PCGF5: variants seen among roughly 807,000 people sequenced by gnomAD.
PCGF5 encodes polycomb group RING finger protein 5.
In PCGF5, 9 loss-of-function variants were observed where a neutral mutation model predicts 44.3. The observed-to-expected ratio is 0.20, with a 90% CI of 0.12 to 0.35. The LOEUF is 0.35. Ranked by LOEUF, PCGF5 falls within the 10% of genes least tolerant of loss-of-function variation. The pLI is 1.00. For missense variants in PCGF5, 146 were observed against 305.3 expected (o/e 0.48, Z 3.89); for synonymous variants, 95 against 102.5 (o/e 0.93, Z 0.44).
intron 8 of PCGF5, among the ~76,000 whole-genome samples, chr10:91,265,862 G>A (rs1846039621): frequency 6.6e-6 from 1 of 152,146 alleles, no homozygotes; most frequent in Non-Finnish European, 1.5e-5. Context: ...GCAGCAGGAA[G>A]AAAAAATTAC....
At chr10:91,246,320 C>T (rs1361677510) in intron 3 of PCGF5, among the ~76,000 whole-genome samples, 1 of 151,874 alleles carries the variant, frequency 6.6e-6, no homozygotes, top group Admixed American at 6.6e-5. Context: ...TTGGTTTGGT[C>T]GGAGAGTACA....
chr10:91,159,751 A>G (rs186386461), upstream of PCGF5, among the ~76,000 whole-genome samples: 31 of 152,316 alleles, frequency 2.0e-4, no homozygotes, highest in African/African-American at 5.5e-4. Flanking sequence ...TCTCTATTTT[A>G]TAGATAAGAA....
At chr10:91,270,846 T>C (rs1846161564) in intron 8 of PCGF5, among the ~76,000 whole-genome samples, 1 of 152,032 alleles carries the variant, frequency 6.6e-6, no homozygotes, top group Non-Finnish European at 1.5e-5. Flanking sequence ...ATACATTTTA[T>C]GTTTTGTAGT....
chr10:91,172,058 G>A (rs964844419), intron 1 of PCGF5, among the ~76,000 whole-genome samples: 7 of 152,174 alleles, frequency 4.6e-5, no homozygotes, highest in African/African-American at 1.4e-4. Flanking sequence ...AGATATATGT[G>A]ATTTGCCCAG....
rs145928441 is a variant in PCGF5, at chr10:91,197,182, T to G, written c.-183-25507T>G. On this transcript the variant is annotated intron_variant, in intron 1 of 9. Transcript: ENST00000614189. ...GTTTCTGTGAGTCAGGAATTTGGAGTCTGGTCAGCAGCGTAGCCTGTCTCC... is the reference window on the plus strand; with the variant it reads ...GTTTCTGTGAGTCAGGAATTTGGAGGCTGGTCAGCAGCGTAGCCTGTCTCC... Among the ~76,000 whole-genome samples the G allele has an allele frequency of 1.1e-4, 17 of 152,162 alleles. No homozygotes were observed. In the East Asian group the frequency reaches 3.3e-3, roughly 29 times the overall value.
At chr10:91,212,712 GA>G (rs1041551535) in intron 1 of PCGF5, among the ~76,000 whole-genome samples, 1 of 152,160 alleles carries the variant, frequency 6.6e-6, no homozygotes, top group African/African-American at 2.4e-5. Context: ...GGGTAGGTAA[GA>G]AAATGGAAGG....
intron 1 of PCGF5, among the ~76,000 whole-genome samples, chr10:91,206,303 A>T (rs902355472): frequency 2.0e-5 from 3 of 152,168 alleles, no homozygotes; most frequent in African/African-American, 7.2e-5. Flanking sequence ...TTTGGAAAGG[A>T]TGGTGACTTC....
intron 2 of PCGF5, among the ~76,000 whole-genome samples, chr10:91,233,427 A>T (rs993306194): frequency 2.0e-5 from 3 of 152,200 alleles, no homozygotes; most frequent in East Asian, 1.9e-4. Flanking sequence ...AAAATAAAAA[A>T]AAATAAAGTG....
chr10:91,187,592 A>C (rs1318073743), intron 1 of PCGF5, among the ~76,000 whole-genome samples: 1 of 152,140 alleles, frequency 6.6e-6, no homozygotes, highest in Non-Finnish European at 1.5e-5. Context: ...AAATGAATGC[A>C]AAGTTGGTAT....
Position 91,178,975 on chromosome 10 carries a change from A to G in PCGF5, c.-184+15894A>G, listed in dbSNP as rs952345445. Among the ~76,000 whole-genome samples the G allele has an allele frequency of 2.0e-5, 3 of 152,292 alleles. No individual in the cohort carries two copies. In the South Asian group the frequency reaches 6.2e-4, roughly 32 times the overall value. On this transcript the variant is annotated intron_variant, in intron 1 of 9. Transcript: ENST00000614189. ...TTTGGGGGAGCTTTTAGAAAATTCA[A>G]ATGACTCTCCTATCTCAAGATTCTG...
intron 1 of PCGF5, among the ~76,000 whole-genome samples, chr10:91,196,393 A>G (rs1844135448): frequency 6.6e-6 from 1 of 152,256 alleles, no homozygotes; most frequent in Admixed American, 6.5e-5. Flanking sequence ...GTGCATGCAC[A>G]TTGAAACACC....
intron 3 of PCGF5, 113 bp downstream of exon 3, chr10:91,240,693 T>TA: frequency 1.9e-6 from 1 of 535,176 alleles, no homozygotes; most frequent in Non-Finnish European, 3.2e-6. Flanking sequence ...ATATAGGACT[T>TA]ATGATTTTCA....
chr10:91,185,464 C>T (rs10437468), intron 1 of PCGF5, among the ~76,000 whole-genome samples: 28,627 of 152,190 alleles, frequency 0.19, 3,215 homozygotes, highest in East Asian at 0.49. Context: ...AATTCCAAGC[C>T]AGTGTGTCAT....
rs548281883 is a variant in PCGF5 at position 91,212,561 on chromosome 10, T to C, written c.-183-10128T>C. On this transcript the variant is annotated intron_variant, in intron 1 of 9. Coordinates refer to the PCGF5 transcript ENST00000614189. The stretch of plus-strand genomic sequence containing the variant: ...TATTTTATATTGTATACTCAGAGGC[T>C]ACTCTACTGACAGGAATGAGATAGA... Among the ~76,000 whole-genome samples, 8 of 152,336 alleles carry C rather than the reference T, an allele frequency of 5.3e-5. No homozygotes were observed. In the South Asian group the frequency reaches 6.2e-4, roughly 12 times the overall value.
chr10:91,257,800 G>GGA (rs1199711835), intron 6 of PCGF5, among the ~76,000 whole-genome samples: 1 of 152,062 alleles, frequency 6.6e-6, no homozygotes, highest in Non-Finnish European at 1.5e-5. Flanking sequence ...CTGCAGATAA[G>GGA]GAGGGACTAC....
intron 1 of PCGF5, among the ~76,000 whole-genome samples, chr10:91,175,818 T>C (rs1843695880): frequency 6.6e-6 from 1 of 152,190 alleles, no homozygotes; most frequent in Non-Finnish European, 1.5e-5. Flanking sequence ...GCACGTGAGA[T>C]GGGTTTCCTG....
At chr10:91,208,503 C>T (rs1844388554) in intron 1 of PCGF5, among the ~76,000 whole-genome samples, 2 of 152,170 alleles carry the variant, frequency 1.3e-5, no homozygotes, top group African/African-American at 2.4e-5. Flanking sequence ...GCTGGCTGAT[C>T]TGTGGACCCT....
intron 1 of PCGF5, among the ~76,000 whole-genome samples, chr10:91,173,577 G>GTTTTTTTTTTTTTT (rs1294760416): frequency 2.4e-5 from 1 of 42,520 alleles, no homozygotes; most frequent in African/African-American, 8.5e-5. Context: ...GAGGGAGTTG[G>GTTTTTTTTTTTTTT]CTTTTTTTTT....
At chr10:91,201,028 T>C (rs1490143243) in intron 1 of PCGF5, among the ~76,000 whole-genome samples, 1 of 152,032 alleles carries the variant, frequency 6.6e-6, no homozygotes, top group Non-Finnish European at 1.5e-5. Context: ...GAAGTGGAAC[T>C]CCTGAGACAC....
Sources: gnomAD v4.1 joint callset for allele counts (sites outside exome capture counted in the v4.1 genomes callset) on GRCh38, gnomAD v4.1.1 for gene constraint, MANE v1.5 for transcripts, NCBI Gene and HGNC (gene_info 2026-07-23, HGNC 2026-07-21) for gene names.